Variants in ZNF536 observed in about 807,000 individuals in gnomAD.
ZNF536 encodes zinc finger protein 536.
Under a neutral mutation model 84.5 loss-of-function variants are expected in ZNF536, and 13 were observed. That is an observed-to-expected ratio of 0.15 (90% confidence interval 0.10 to 0.24). ZNF536 has a LOEUF of 0.24. ZNF536 is among the 10% of genes least tolerant of loss of function. The pLI, the probability that ZNF536 is intolerant of heterozygous loss-of-function variation, is 1.00. For missense variants in ZNF536, 1,536 were observed against 1,747.5 expected, an observed-to-expected ratio of 0.88 and a Z score of 2.16; for synonymous variants, 811 against 742.5, an observed-to-expected ratio of 1.09 and a Z score of -1.50.
intron 1 of ZNF536, among the ~76,000 whole-genome samples, chr19:30,618,687 C>T (rs528725427): frequency 6.6e-6 from 1 of 152,070 alleles, no homozygotes; most frequent in South Asian, 2.1e-4. Flanking sequence ...TTTAAATATT[C>T]TAATAGTTAC....
At chr19:30,664,249 T>TCAG (rs2050236098) in intron 1 of ZNF536, among the ~76,000 whole-genome samples, 1 of 121,214 alleles carries the variant, frequency 8.2e-6, no homozygotes, top group East Asian at 2.6e-4. Flanking sequence ...TCTCTCTCTC[T>TCAG]CTCTCTCTCT....
At position 30,259,708 on chromosome 19, in the gene ZNF536, C is replaced by T. The variant is rs150398253; in HGVS notation, c.-189-24364C>T. Among the ~76,000 whole-genome samples the T allele has an allele frequency of 3.3e-3, 501 of 152,178 alleles. 7 individuals carry two copies. The South Asian group carries it at 0.041, about 12-fold the overall frequency. On this transcript the variant is annotated intron_variant, in intron 1 of 5. Transcript: ENST00000585628. The stretch of plus-strand genomic sequence containing the variant: ...AGCCTGTAGACCCAGTCAGTAAGCA[C>T]GGTTGTTTGTTTAAAATGCGAAAAA...
intron 3 of ZNF536, among the ~76,000 whole-genome samples, chr19:30,365,230 G>A (rs1462446087): frequency 1.3e-5 from 2 of 152,242 alleles, no homozygotes; most frequent in Admixed American, 6.5e-5. Context: ...AGATAGGCAT[G>A]TGCTCTCTCT....
chr19:30,632,005 T>C (rs2048905100), intron 1 of ZNF536, among the ~76,000 whole-genome samples: 1 of 152,166 alleles, frequency 6.6e-6, no homozygotes, highest in African/African-American at 2.4e-5. Context: ...CAAACCACTA[T>C]AGGCCTGTCC....
intron 1 of ZNF536, among the ~76,000 whole-genome samples, chr19:30,231,459 C>T (rs2023035879): frequency 6.6e-6 from 1 of 152,228 alleles, no homozygotes; most frequent in Admixed American, 6.5e-5. Context: ...GCTGTGCACA[C>T]TGGCACCTTC....
chr19:30,302,832 G>A (rs1486530324), intron 2 of ZNF536, among the ~76,000 whole-genome samples: 5 of 152,054 alleles, frequency 3.3e-5, no homozygotes, highest in Non-Finnish European at 7.4e-5. Flanking sequence ...TCCTGAATGG[G>A]TGCAGCAGAC....
intron 2 of ZNF536, among the ~76,000 whole-genome samples, chr19:30,524,061 C>G (rs116935784): frequency 2.0e-5 from 3 of 152,196 alleles, no homozygotes; most frequent in Non-Finnish European, 4.4e-5. Context: ...CCAGCCAATC[C>G]GACGGCGGCA....
intron 1 of ZNF536, among the ~76,000 whole-genome samples, chr19:30,669,232 G>A (rs1271701800): frequency 2.0e-5 from 3 of 152,242 alleles, no homozygotes; most frequent in African/African-American, 7.2e-5. Context: ...CAGCTGGGTA[G>A]ACTGCCTCTT....
At chr19:30,592,473 T>C (rs1437275145) in intron 1 of ZNF536, among the ~76,000 whole-genome samples, 1 of 152,182 alleles carries the variant, frequency 6.6e-6, no homozygotes, top group East Asian at 1.9e-4. Flanking sequence ...CAAGGCCTCC[T>C]TTGCTCTAAA....
chr19:30,573,516 G>A (rs1170416610), intron 1 of ZNF536, among the ~76,000 whole-genome samples: 1 of 152,116 alleles, frequency 6.6e-6, no homozygotes, highest in African/African-American at 2.4e-5. Context: ...TGAAAAGAAA[G>A]GTTGAAACTT....
At chr19:30,451,418 G>A (rs2052602309) in intron 2 of ZNF536, among the ~76,000 whole-genome samples, 1 of 152,204 alleles carries the variant, frequency 6.6e-6, no homozygotes, top group Admixed American at 6.5e-5. Flanking sequence ...GCGATGATTT[G>A]GGAACAATCA....
At chr19:30,239,769 C>A (rs927886288) in intron 1 of ZNF536, among the ~76,000 whole-genome samples, 1 of 152,226 alleles carries the variant, frequency 6.6e-6, no homozygotes, top group African/African-American at 2.4e-5. Context: ...GGCACCCTTG[C>A]CTTTCCTGTC....
intron 1 of ZNF536, among the ~76,000 whole-genome samples, chr19:30,645,346 T>G (rs1449472339): frequency 1.3e-5 from 2 of 152,218 alleles, no homozygotes; most frequent in Non-Finnish European, 2.9e-5. Context: ...GTAGTTTCTT[T>G]TGCTGTGCAG....
At chr19:30,361,044 T>TG (rs2048257267) in intron 3 of ZNF536, among the ~76,000 whole-genome samples, 1 of 152,242 alleles carries the variant, frequency 6.6e-6, no homozygotes, top group African/African-American at 2.4e-5. Flanking sequence ...TGACAGATAG[T>TG]GCCTGACAAC....
intron 1 of ZNF536, among the ~76,000 whole-genome samples, chr19:30,430,721 C>T (rs11670378): frequency 1.3e-5 from 2 of 152,198 alleles, no homozygotes; most frequent in South Asian, 4.1e-4. Context: ...TTCACCCAGG[C>T]TAGAGTGCAG....
intron 1 of ZNF536, among the ~76,000 whole-genome samples, chr19:30,654,652 G>A (rs777184298): frequency 5.3e-5 from 8 of 152,246 alleles, no homozygotes; most frequent in South Asian, 2.1e-4. Context: ...TCTTTTAACC[G>A]GGCGATTGTT....
intron 1 of ZNF536, among the ~76,000 whole-genome samples, chr19:30,565,227 G>GA (rs907405127): frequency 5.3e-5 from 8 of 151,506 alleles, no homozygotes; most frequent in African/African-American, 1.9e-4. Flanking sequence ...AGTCAGTTAG[G>GA]AAGCCAAATC....
At chr19:30,330,019 G>T (rs371472459) in intron 2 of ZNF536, among the ~76,000 whole-genome samples, 4 of 152,276 alleles carry the variant, frequency 2.6e-5, no homozygotes, top group African/African-American at 9.6e-5. Flanking sequence ...TGCTGTATTT[G>T]AAAGCACTTA....
Position 30,542,108 on chromosome 19 carries a change from AC to A in ZNF536, c.2324-5834del, listed in dbSNP as rs1203022009. On this transcript the variant is annotated intron_variant, in intron 3 of 4. Coordinates refer to ENST00000355537, the MANE Select transcript of ZNF536 (RefSeq NM_014717.3). ...CACTTTTGGAGATTTAGCAAAAAAA[AC>A]AAAAACAAAATAAAAAAACGAGAAG... Among the ~76,000 whole-genome samples the A allele has an allele frequency of 5.9e-5, 9 of 152,312 alleles. No homozygotes were observed. In the South Asian group the frequency reaches 1.7e-3, roughly 28 times the overall value.
Sources: gnomAD v4.1 joint callset for allele counts (sites outside exome capture counted in the v4.1 genomes callset) on GRCh38, gnomAD v4.1.1 for gene constraint, MANE v1.5 for transcripts, NCBI Gene and HGNC (gene_info 2026-07-23, HGNC 2026-07-21) for gene names.